WWOX: variants seen among roughly 807,000 people sequenced by gnomAD.
The protein encoded by WWOX is WW domain containing oxidoreductase.
WWOX carries 69 observed loss-of-function variants against 46.2 expected under a neutral mutation model. The ratio of observed to expected loss-of-function variants is 1.49; its 90% CI spans 1.23 to 1.82. WWOX has a LOEUF of 1.82. WWOX is among the 40% of genes most tolerant of loss of function. The pLI is 0.00. For missense variants in WWOX, 919 were observed against 542.6 expected, an observed-to-expected ratio of 1.69 and a Z score of -6.89; for synonymous variants, 359 against 202.6, an observed-to-expected ratio of 1.77 and a Z score of -6.56.
intron 8 of WWOX, among the ~76,000 whole-genome samples, chr16:78,737,871 C>T (rs1210126263): frequency 2.0e-5 from 3 of 152,114 alleles, no homozygotes; most frequent in East Asian, 1.9e-4. Flanking sequence ...TTTATTCCCT[C>T]ACCGATCCCT....
intron 5 of WWOX, among the ~76,000 whole-genome samples, chr16:78,334,305 T>C (rs1023030643): frequency 1.3e-5 from 2 of 152,352 alleles, no homozygotes; most frequent in Admixed American, 6.5e-5. Flanking sequence ...GCACAATTTA[T>C]GTTGAATGCA....
intron 8 of WWOX, among the ~76,000 whole-genome samples, chr16:78,530,614 A>C (rs1158957324): frequency 2.6e-5 from 4 of 152,104 alleles, no homozygotes; most frequent in Non-Finnish European, 4.4e-5. Flanking sequence ...GTGGTTGTGG[A>C]AAAGGCAATA....
chr16:79,051,469 C>T (rs565751207), intron 8 of WWOX, among the ~76,000 whole-genome samples: 7 of 151,234 alleles, frequency 4.6e-5, no homozygotes, highest in African/African-American at 1.5e-4. Context: ...TTGAGGTTGC[C>T]ACATTCTCCA....
At chr16:79,195,802 A>G (rs1298506886) in intron 8 of WWOX, among the ~76,000 whole-genome samples, 2 of 152,216 alleles carry the variant, frequency 1.3e-5, no homozygotes, top group African/African-American at 4.8e-5. Flanking sequence ...AAGATCAGTG[A>G]CTGGGTGAGT....
chr16:78,459,565 C>T (rs539366826), intron 8 of WWOX, among the ~76,000 whole-genome samples: 4 of 152,224 alleles, frequency 2.6e-5, no homozygotes, highest in South Asian at 2.1e-4. Flanking sequence ...TGGTATATGG[C>T]TTAATTGTAA....
intron 3 of WWOX, among the ~76,000 whole-genome samples, chr16:78,110,359 AAAG>A (rs1243757881): frequency 6.6e-6 from 1 of 151,456 alleles, no homozygotes; most frequent in African/African-American, 2.4e-5. Context: ...AAAAAAAAAA[AAAG>A]AGGGAATGCA....
intron 5 of WWOX, among the ~76,000 whole-genome samples, chr16:78,301,563 A>C (rs2080041537): frequency 6.6e-6 from 1 of 152,158 alleles, no homozygotes; most frequent in Non-Finnish European, 1.5e-5. Context: ...AAAATCTGTT[A>C]ATTAGAATTG....
At chr16:78,409,819 C>A (rs74325733) in intron 6 of WWOX, among the ~76,000 whole-genome samples, 9 of 152,274 alleles carry the variant, frequency 5.9e-5, no homozygotes, top group Admixed American at 5.9e-4. Context: ...AGCACTGTTG[C>A]ATCTCTGACC....
chr16:79,160,026 T>C (rs150064908), intron 8 of WWOX, among the ~76,000 whole-genome samples: 37 of 152,320 alleles, frequency 2.4e-4, no homozygotes, highest in African/African-American at 8.9e-4. Context: ...GACTGCAAAA[T>C]TCCTGACAAA....
rs541684870 is a variant in WWOX, at chr16:78,840,640, G to C, written c.1057-370968G>C. Among the ~76,000 whole-genome samples, 4 of 152,088 alleles carry C rather than the reference G, an allele frequency of 2.6e-5. No individual in the cohort carries two copies. In the East Asian group the frequency reaches 7.7e-4, roughly 29 times the overall value. On this transcript the variant is annotated intron_variant, in intron 8 of 8. Coordinates refer to ENST00000566780, the MANE Select transcript of WWOX (RefSeq NM_016373.4). ...ATGTGATGTCCTCATAAATCACCGA[G>C]GGATCTTGTTAAATTTGGATTCTGA...
intron 8 of WWOX, among the ~76,000 whole-genome samples, chr16:78,458,565 G>A (rs149080232): frequency 2.6e-5 from 4 of 151,994 alleles, no homozygotes; most frequent in Non-Finnish European, 5.9e-5. Context: ...CAGGCCATTG[G>A]TATACCATTG....
intron 8 of WWOX, among the ~76,000 whole-genome samples, chr16:79,033,585 A>C (rs553985840): frequency 1.3e-5 from 2 of 152,082 alleles, no homozygotes; most frequent in East Asian, 3.9e-4. Context: ...CATGTTAACT[A>C]TTTTAAAGTG....
rs111631955 is a variant in WWOX at position 78,546,094 on chromosome 16, C to G, written c.1056+113342C>G. ...ATAAGGGGAAAATGGTCCCTACCCTCTGTCAGTTTTTTATGGAAGAAGAAA... is the reference window on the plus strand; with the variant it reads ...ATAAGGGGAAAATGGTCCCTACCCTGTGTCAGTTTTTTATGGAAGAAGAAA... On this transcript the variant is annotated intron_variant, in intron 8 of 8. Transcript: ENST00000566780. Among the ~76,000 whole-genome samples the G allele has an allele frequency of 6.5e-3, 983 of 152,274 alleles. 5 individuals are homozygous for G. Among genetic ancestry groups the G allele is most frequent in the African/African-American group, 0.023 (941 of 41,542 alleles).
At chr16:79,005,006 A>G (rs1434029105) in intron 8 of WWOX, among the ~76,000 whole-genome samples, 3 of 152,192 alleles carry the variant, frequency 2.0e-5, no homozygotes, top group Non-Finnish European at 4.4e-5. Flanking sequence ...AAAAAGGGGA[A>G]GGGAGAGGGA....
chr16:79,210,292 G>T (rs555015019), intron 8 of WWOX, among the ~76,000 whole-genome samples: 7 of 152,084 alleles, frequency 4.6e-5, no homozygotes, highest in Admixed American at 4.6e-4. Context: ...TCTTCACGTC[G>T]TAACACCTTC....
At chr16:78,963,710 AAC>A (rs1388290581) in intron 8 of WWOX, among the ~76,000 whole-genome samples, 1 of 152,190 alleles carries the variant, frequency 6.6e-6, no homozygotes, top group East Asian at 1.9e-4. Context: ...CTATGCACTT[AAC>A]ACACAGACAC....
At chr16:79,002,571 T>C (rs2047115344) in intron 8 of WWOX, among the ~76,000 whole-genome samples, 1 of 152,176 alleles carries the variant, frequency 6.6e-6, no homozygotes, top group South Asian at 2.1e-4. Context: ...ATAGCAGAAC[T>C]AAAGTGATGA....
chr16:78,915,810 C>G (rs1299352689), intron 8 of WWOX, among the ~76,000 whole-genome samples: 1 of 152,178 alleles, frequency 6.6e-6, no homozygotes, highest in African/African-American at 2.4e-5. Context: ...TTATAACTCT[C>G]AAATCTTCTT....
chr16:78,399,173 C>A (rs13334962), intron 6 of WWOX, among the ~76,000 whole-genome samples: 1 of 152,138 alleles, frequency 6.6e-6, no homozygotes, highest in East Asian at 1.9e-4. Flanking sequence ...GGTTGGAAGA[C>A]AGGAAGGATG....
Sources: allele counts gnomAD v4.1 joint callset (sites outside exome capture counted in the v4.1 genomes callset), GRCh38; gene constraint gnomAD v4.1.1; transcripts MANE v1.5; gene names NCBI Gene and HGNC (gene_info 2026-07-23, HGNC 2026-07-21).